The following TRIP4 variants were observed in gnomAD, a reference collection of about 807,000 sequenced individuals.
The protein encoded by TRIP4 is activating signal cointegrator 1.
Under a neutral mutation model 81.8 loss-of-function variants are expected in TRIP4, and 54 were observed. The observed-to-expected ratio is 0.66, with a 90% CI of 0.53 to 0.83. The LOEUF is 0.83. Among genes scored for constraint, TRIP4 ranks in the 40% least tolerant of loss-of-function variants. The probability of loss-of-function intolerance (pLI) is 0.00; values close to 1 mark genes in which losing one functional copy is unlikely to be tolerated. For missense variants in TRIP4, 662 were observed against 683.6 expected (o/e 0.97, Z 0.35); for synonymous variants, 270 against 242.8 (o/e 1.11, Z -1.04).
At chr15:64,431,830 A>ATT (rs1479658439) in intron 11 of TRIP4, among the ~76,000 whole-genome samples, 731 of 52,160 alleles carry the variant, frequency 0.014, 13 homozygotes, top group African/African-American at 0.028. Context: ...AACCATTTAT[A>ATT]TTATATATAT....
At chr15:64,451,694 C>T (rs1892765712) in intron 12 of TRIP4, among the ~76,000 whole-genome samples, 1 of 150,322 alleles carries the variant, frequency 6.7e-6, no homozygotes, top group African/African-American at 2.5e-5. Context: ...ACTCTTGTTG[C>T]CCAGGCTGGA....
chr15:64,424,362 C>A, intron 10 of TRIP4: 1 of 599,566 alleles, frequency 1.7e-6, no homozygotes, highest in Non-Finnish European at 2.6e-6. Flanking sequence ...TATCAATTTC[C>A]AACACAAGAA....
At chr15:64,393,919 C>G (rs1432523366) in intron 1 of TRIP4, 27 bp from the exon 2 acceptor site, 6 of 1,542,210 alleles carry the variant, frequency 3.9e-6, no homozygotes, top group Non-Finnish European at 5.2e-6. Flanking sequence ...AGTCTTGTTT[C>G]AACAACTTAT....
At chr15:64,405,666 T>C (rs1270938952) in intron 5 of TRIP4, among the ~76,000 whole-genome samples, 2 of 152,248 alleles carry the variant, frequency 1.3e-5, no homozygotes, top group Non-Finnish European at 2.9e-5. Flanking sequence ...ATTTTCTTTT[T>C]TCTTCCATTA....
intron 7 of TRIP4, among the ~76,000 whole-genome samples, chr15:64,413,632 C>T (rs955053052): frequency 9.2e-5 from 14 of 151,966 alleles, no homozygotes; most frequent in Non-Finnish European, 1.3e-4. Flanking sequence ...CTCTATTGCC[C>T]AGGCTGGAGT....
chr15:64,435,483 G>A (rs1465087912), intron 11 of TRIP4, among the ~76,000 whole-genome samples: 3 of 145,726 alleles, frequency 2.1e-5, no homozygotes, highest in South Asian at 2.2e-4. Flanking sequence ...CCGAGATCGC[G>A]CCACTGCATT....
Position 64,445,071 on chromosome 15 carries a change from G to T in TRIP4, c.1641G>T (p.Met547Ile). The T allele has an allele frequency of 6.2e-7, 1 of 1,606,232 alleles. No individual in the cohort carries two copies. Among genetic ancestry groups the T allele is most frequent in the East Asian group, 2.2e-5 (1 of 44,622 alleles). Residue 547 changes from methionine (M) to isoleucine (I), a missense_variant, in exon 12 of 13, where the codon ATG becomes ATT. Transcript: ENST00000261884. ...TCATCTGCAAAAATCCTCAGGAAATGGTTGTGAAGTTTCCTATTAAAGGAA... is the reference window on the plus strand; with the variant it reads ...TCATCTGCAAAAATCCTCAGGAAATTGTTGTGAAGTTTCCTATTAAAGGAA... ...FVFICKNPQEMVVKFPIKGNP... is the reference protein window; with the variant it reads ...FVFICKNPQEIVVKFPIKGNP...
At chr15:64,420,610 G>A (rs531037084) in intron 9 of TRIP4, among the ~76,000 whole-genome samples, 197 of 149,308 alleles carry the variant, frequency 1.3e-3, no homozygotes, top group Non-Finnish European at 2.2e-3. Flanking sequence ...TGCAAGCTCC[G>A]CCTCCCAGGT....
intron 8 of TRIP4, among the ~76,000 whole-genome samples, chr15:64,416,889 T>G (rs563734688): frequency 6.6e-6 from 1 of 152,224 alleles, no homozygotes; most frequent in South Asian, 2.1e-4. Flanking sequence ...GAAAGATCCT[T>G]AGAAATTTAT....
chr15:64,444,246 G>T (rs772422680), intron 11 of TRIP4, among the ~76,000 whole-genome samples: 2 of 152,138 alleles, frequency 1.3e-5, no homozygotes, highest in Non-Finnish European at 2.9e-5. Flanking sequence ...GACATAGTAA[G>T]ATAGGAAATA....
At chr15:64,419,795 T>G (rs977249920) in intron 9 of TRIP4, among the ~76,000 whole-genome samples, 1 of 152,084 alleles carries the variant, frequency 6.6e-6, no homozygotes, top group Non-Finnish European at 1.5e-5. Context: ...GAAACCGCTG[T>G]TATTAGCATT....
chr15:64,391,450 C>T lies in TRIP4; in HGVS notation c.102-2496C>T, dbSNP rs375068723. Among the ~76,000 whole-genome samples the T allele has an allele frequency of 7.2e-4, 109 of 151,862 alleles. No individual in the cohort carries two copies. The South Asian group carries it at 0.014, about 20-fold the overall frequency. On this transcript the variant is annotated intron_variant, in intron 1 of 12. Transcript: ENST00000261884. Reference sequence around the variant, plus strand: ...GATTACAGGTGTGAGCCACTGCACCCGGCCTTAACTTTCTAATTAGTGATA... The same window carrying T: ...GATTACAGGTGTGAGCCACTGCACCTGGCCTTAACTTTCTAATTAGTGATA...
intron 6 of TRIP4, among the ~76,000 whole-genome samples, chr15:64,408,625 A>AT (rs1891687710): frequency 6.6e-6 from 1 of 152,160 alleles, no homozygotes; most frequent in Admixed American, 6.6e-5. Context: ...ATCTAACTTC[A>AT]GTATTTCCCT....
At chr15:64,437,068 T>C (rs1219371562) in intron 11 of TRIP4, among the ~76,000 whole-genome samples, 2 of 151,690 alleles carry the variant, frequency 1.3e-5, no homozygotes, top group Non-Finnish European at 2.9e-5. Context: ...GCCTGCCATG[T>C]AGTAGGTGCA....
At chr15:64,411,778 C>G (rs1207808500) in intron 7 of TRIP4, among the ~76,000 whole-genome samples, 1 of 151,394 alleles carries the variant, frequency 6.6e-6, no homozygotes, top group African/African-American at 2.4e-5. Context: ...CTCCCAGATT[C>G]ACGCCATTCT....
Position 64,424,689 on chromosome 15 carries a change from A to G in TRIP4, c.1483+534A>G, listed in dbSNP as rs1374980101. On this transcript the variant is annotated intron_variant, in intron 10 of 12. Transcript: ENST00000261884. The stretch of plus-strand genomic sequence containing the variant: ...GTTTTGAGGGTAGAATAAAAGGACA[A>G]CTACACAACCATCTTTAAAGGTTTT... Among the ~76,000 whole-genome samples, 5 of 152,230 alleles carry G rather than the reference A, an allele frequency of 3.3e-5. No homozygotes were observed. The East Asian group carries it at 9.6e-4, about 29-fold the overall frequency.
intron 1 of TRIP4, among the ~76,000 whole-genome samples, chr15:64,390,763 C>A (rs187698017): frequency 1.3e-5 from 2 of 151,684 alleles, no homozygotes; most frequent in Admixed American, 6.6e-5. Context: ...GGTATGGTGA[C>A]GGGCACCTGT....
intron 5 of TRIP4, among the ~76,000 whole-genome samples, chr15:64,402,672 T>A (rs1891537900): frequency 6.6e-6 from 1 of 151,772 alleles, no homozygotes; most frequent in Non-Finnish European, 1.5e-5. Flanking sequence ...TACAAGCGCA[T>A]GCCACCTTGT....
rs976996142 is a variant in TRIP4 at position 64,406,545 on chromosome 15, A to C, written c.827+86A>C. 15 of 1,488,750 alleles carry C rather than the reference A, an allele frequency of 1.0e-5. No homozygotes were observed. The African/African-American group carries it at 2.0e-4, about 19-fold the overall frequency. 92.2% of individuals were successfully genotyped at this position (1,488,750 alleles called of 1,614,324 possible). A position where few individuals can be genotyped will look rare whatever the true frequency, so the allele number is the denominator to read the frequency against. On this transcript the variant is annotated intron_variant, in intron 6 of 12. Coordinates refer to ENST00000261884, the MANE Select transcript of TRIP4 (RefSeq NM_016213.5). Reference sequence around the variant, plus strand: ...TATTTTGGTACTTGATACCTTCTCAAAGTGGAGTGTGAAAGAGTTTATAGC... The same window carrying C: ...TATTTTGGTACTTGATACCTTCTCACAGTGGAGTGTGAAAGAGTTTATAGC...
Sources: gnomAD v4.1 joint callset for allele counts (sites outside exome capture counted in the v4.1 genomes callset) on GRCh38, gnomAD v4.1.1 for gene constraint, MANE v1.5 for transcripts, NCBI Gene and HGNC (gene_info 2026-07-23, HGNC 2026-07-21) for gene names.